Variants in MYO1B observed in about 807,000 individuals in gnomAD.
The protein encoded by MYO1B is myosin IB, also known as unconventional myosin-Ib.
Under a neutral mutation model 159.7 loss-of-function variants are expected in MYO1B, and 72 were observed. That is an observed-to-expected ratio of 0.45 (90% CI 0.37 to 0.55). MYO1B has a LOEUF of 0.55. Among genes scored for constraint, MYO1B ranks in the 20% least tolerant of loss-of-function variants. The pLI is 0.00. For missense variants in MYO1B, 1,062 were observed against 1,364.8 expected (o/e 0.78, Z 3.50); for synonymous variants, 468 against 473.8 (o/e 0.99, Z 0.16).
intron 1 of MYO1B, among the ~76,000 whole-genome samples, chr2:191,260,445 T>C (rs1686743238): frequency 6.6e-6 from 1 of 152,032 alleles, no homozygotes; most frequent in Admixed American, 6.5e-5. Context: ...GGGTTTCTGG[T>C]GTATATGTCT....
At chr2:191,288,140 G>T (rs1688488810) in intron 2 of MYO1B, among the ~76,000 whole-genome samples, 1 of 151,628 alleles carries the variant, frequency 6.6e-6, no homozygotes, top group Non-Finnish European at 1.5e-5. Context: ...CTCCTCTTGG[G>T]TATAGTGAAT....
At chr2:191,392,230 A>G in intron 19 of MYO1B, 29 bp downstream of exon 19, 2 of 1,516,396 alleles carry the variant, frequency 1.3e-6, no homozygotes, top group Non-Finnish European at 1.8e-6. Flanking sequence ...TACACTCTGA[A>G]CTTAAGTTGG....
chr2:191,274,274 A>G (rs753948746), intron 1 of MYO1B, among the ~76,000 whole-genome samples: 7 of 152,224 alleles, frequency 4.6e-5, no homozygotes, highest in Non-Finnish European at 7.3e-5. Context: ...GTAACTCAGC[A>G]TTTCTTTTGC....
chr2:191,260,250 T>A lies in MYO1B; in HGVS notation c.-10+14624T>A, dbSNP rs1309076599. Among the ~76,000 whole-genome samples, 3 of 136,372 alleles carry A rather than the reference T, an allele frequency of 2.2e-5. No individual in the cohort carries two copies. The Admixed American group carries it at 2.4e-4, about 11-fold the overall frequency. 89.5% of individuals were successfully genotyped at this position (136,372 alleles called of 152,430 possible). On this transcript the variant is annotated intron_variant, in intron 1 of 30. Transcript: ENST00000392318. ...GGTATAATATTACTTTTTTCCCAGATAGGCTTTTTTTTTTTTTGAATTAAA... is the reference window on the plus strand; with the variant it reads ...GGTATAATATTACTTTTTTCCCAGAAAGGCTTTTTTTTTTTTTGAATTAAA...
intron 4 of MYO1B, among the ~76,000 whole-genome samples, chr2:191,335,142 C>T (rs996558366): frequency 2.6e-5 from 4 of 152,016 alleles, no homozygotes; most frequent in Non-Finnish European, 1.5e-5. Flanking sequence ...CGCCTGGAGC[C>T]GGGAGGTGGA....
chr2:191,305,686 TCCTGGTTTGC>T (rs1023869263), intron 3 of MYO1B, among the ~76,000 whole-genome samples: 1 of 152,184 alleles, frequency 6.6e-6, no homozygotes, highest in African/African-American at 2.4e-5. Flanking sequence ...GTGGGGCATG[TCCTGGTTTGC>T]CCTGGGTAGC....
At chr2:191,391,925 C>T (rs551323862) in intron 18 of MYO1B, among the ~76,000 whole-genome samples, 183 bp from the exon 19 acceptor site, 1 of 152,240 alleles carries the variant, frequency 6.6e-6, no homozygotes, top group South Asian at 2.1e-4. Context: ...TTTACTTTTT[C>T]AGTGTTTACT....
chr2:191,360,649 G>A lies in MYO1B; in HGVS notation c.581G>A (p.Arg194Gln). 4 of 1,611,360 alleles carry A rather than the reference G, an allele frequency of 2.5e-6. No individual in the cohort carries two copies. The highest frequency in any genetic ancestry group is 2.5e-6 in the Non-Finnish European group (3 of 1,178,226). ...TCTTTAGATCTTTTAGAGAAATCTC[G>A]GGTTGTTAAACAGCCAAGAGGTGAA... ...VISNYLLEKS[R>Q]VVKQPRGERN... is the part of the protein sequence containing the mutation. Residue 194 changes from arginine (R) to glutamine (Q), a missense_variant, in exon 8 of 31, where the codon CGG becomes CAG. Transcript: ENST00000392318.
chr2:191,395,515 AG>A (rs1696017772), intron 20 of MYO1B, among the ~76,000 whole-genome samples: 1 of 152,244 alleles, frequency 6.6e-6, no homozygotes, highest in Non-Finnish European at 1.5e-5. Flanking sequence ...ATGTGACTTT[AG>A]TACTTCGAAA....
intron 3 of MYO1B, among the ~76,000 whole-genome samples, chr2:191,307,961 T>A (rs1689753185): frequency 6.6e-6 from 1 of 152,030 alleles, no homozygotes. Context: ...CCAACCTAGA[T>A]CCCTCCATCT....
At chr2:191,348,486 G>A (rs1298996671) in intron 6 of MYO1B, among the ~76,000 whole-genome samples, 1 of 152,146 alleles carries the variant, frequency 6.6e-6, no homozygotes, top group East Asian at 1.9e-4. Flanking sequence ...CTTTGACAGA[G>A]TAACCATTCT....
At chr2:191,261,378 G>T (rs1239016520) in intron 1 of MYO1B, among the ~76,000 whole-genome samples, 1 of 152,102 alleles carries the variant, frequency 6.6e-6, no homozygotes, top group Admixed American at 6.6e-5. Context: ...AAATTTGGGG[G>T]ATCATAAAAT....
intron 3 of MYO1B, among the ~76,000 whole-genome samples, chr2:191,312,176 A>G (rs925417476): frequency 1.4e-4 from 22 of 152,372 alleles, no homozygotes; most frequent in African/African-American, 5.3e-4. Flanking sequence ...CTAATTAAAA[A>G]TTCTGGCTGT....
intron 1 of MYO1B, among the ~76,000 whole-genome samples, chr2:191,272,767 A>G (rs1687529665): frequency 6.6e-6 from 1 of 152,210 alleles, no homozygotes; most frequent in Non-Finnish European, 1.5e-5. Flanking sequence ...CCAAGTCTCA[A>G]GATACCACGG....
At chr2:191,258,516 A>G (rs1448099101) in intron 1 of MYO1B, among the ~76,000 whole-genome samples, 1 of 152,212 alleles carries the variant, frequency 6.6e-6, no homozygotes, top group Non-Finnish European at 1.5e-5. Flanking sequence ...TAATTGCATC[A>G]TGACGTCACT....
At chr2:191,391,569 G>A (rs1406985880) in intron 18 of MYO1B, among the ~76,000 whole-genome samples, 1 of 152,136 alleles carries the variant, frequency 6.6e-6, no homozygotes, top group Non-Finnish European at 1.5e-5. Flanking sequence ...GTGGAGTGAG[G>A]TTTAGTTCTA....
chr2:191,419,432 A>G (rs1697794569), intron 30 of MYO1B, among the ~76,000 whole-genome samples: 2 of 152,090 alleles, frequency 1.3e-5, no homozygotes, highest in African/African-American at 2.4e-5. Flanking sequence ...GTTAGCCAGG[A>G]TGGTCTCGAT....
intron 10 of MYO1B, 75 bp downstream of exon 10, chr2:191,363,950 A>G (rs1169489723): frequency 6.3e-7 from 1 of 1,581,370 alleles, no homozygotes; most frequent in Admixed American, 1.7e-5. Context: ...TAATGTAGAA[A>G]GTAAAATTTT....
At chr2:191,261,807 A>G (rs1360631075) in intron 1 of MYO1B, among the ~76,000 whole-genome samples, 1 of 152,184 alleles carries the variant, frequency 6.6e-6, no homozygotes. Flanking sequence ...TAGAAGAAAG[A>G]CCATTGAGTA....
Sources: allele counts gnomAD v4.1 joint callset (sites outside exome capture counted in the v4.1 genomes callset), GRCh38; gene constraint gnomAD v4.1.1; transcripts MANE v1.5; gene names NCBI Gene and HGNC (gene_info 2026-07-23, HGNC 2026-07-21).